FAT4: variants seen among roughly 807,000 people sequenced by gnomAD.
FAT4 encodes FAT atypical cadherin 4, also known as protocadherin Fat 4.
FAT4 carries 84 observed loss-of-function variants against 303.9 expected under a neutral mutation model. The observed-to-expected ratio is 0.28, with a 90% CI of 0.23 to 0.33. The LOEUF is 0.33. Ranked by LOEUF, FAT4 falls within the 10% of genes least tolerant of loss-of-function variation. The pLI, the probability that FAT4 is intolerant of heterozygous loss-of-function variation, is 1.00. For missense variants in FAT4, 6,005 were observed against 6,146.8 expected (o/e 0.98, Z 0.77); for synonymous variants, 2,307 against 2,298.8 (o/e 1.00, Z -0.10).
Position 125,448,691 on chromosome 4 carries a change from G to C in FAT4, c.7681G>C (p.Val2561Leu). ...TTCTACAACAGTGACTGTTAGATTCGTGAATAAGGCCGATTTCCCTAAAGT... is the reference window on the plus strand; with the variant it reads ...TTCTACAACAGTGACTGTTAGATTCCTGAATAAGGCCGATTTCCCTAAAGT... The part of the protein sequence containing the change: ...TDSTTVTVRF[V>L]NKADFPKVRA... The change falls in exon 10 of 18, where the codon GTG becomes CTG. Residue 2561 changes from valine (V) to leucine (L), a missense_variant. Val to Leu is a conservative substitution (Grantham distance 32). Coordinates refer to ENST00000394329, the MANE Select transcript of FAT4 (RefSeq NM_001291303.3). 3 of 1,613,932 alleles carry C rather than the reference G, an allele frequency of 1.9e-6. No individual in the cohort carries two copies. Among genetic ancestry groups the C allele is most frequent in the Non-Finnish European group, 2.5e-6 (3 of 1,179,910 alleles).
In FAT4 at chr4:125,476,273, G is replaced by A. The variant is rs1727026782; in HGVS notation, c.12299+17G>A. On this transcript the variant is annotated intron_variant, in intron 13 of 17. Transcript: ENST00000394329. ...AGATGACTGGTAAGGAATAGGATTAGTTTAATTTTTATTATTACTTAAAAT... is the reference window on the plus strand; with the variant it reads ...AGATGACTGGTAAGGAATAGGATTAATTTAATTTTTATTATTACTTAAAAT... 1 of 1,437,430 alleles carries A rather than the reference G, an allele frequency of 7.0e-7. No individual in the cohort carries two copies. The highest frequency in any genetic ancestry group is 1.4e-5 in the African/African-American group (1 of 69,792). 89.0% of individuals were successfully genotyped at this position (1,437,430 alleles called of 1,614,324 possible). A position where few individuals can be genotyped will look rare whatever the true frequency, so the allele number is the denominator to read the frequency against.
rs1377866898 is a variant in FAT4 at position 125,490,256 on chromosome 4, G to A, written c.13440G>A (p.Val4480=). The part of the protein sequence containing the change: ...CLGVLCPQGK[V]CKAGSPAGHV... ...GCGTCCTCTGTCCTCAGGGGAAGGT[G>A]TGCAAAGCTGGAAGTCCTGCGGGGC... is the stretch of plus-strand genomic sequence containing the variant. Residue 4480 remains valine, a synonymous_variant, in exon 18 of 18, where the codon GTG becomes GTA. Transcript: ENST00000394329. 6.2e-7 allele frequency: 1 copy of A among 1,614,124 alleles called. No homozygotes were observed. Among genetic ancestry groups the A allele is most frequent in the Non-Finnish European group, 8.5e-7 (1 of 1,180,024 alleles).
chr4:125,394,291 A>G (rs1278379781), intron 2 of FAT4, among the ~76,000 whole-genome samples: 1 of 152,166 alleles, frequency 6.6e-6, no homozygotes, highest in African/African-American at 2.4e-5. Flanking sequence ...ATGAAGAGAA[A>G]CTTCTGAGTT....
chr4:125,418,579 A>AT (rs1290464756), intron 7 of FAT4, among the ~76,000 whole-genome samples: 2 of 152,104 alleles, frequency 1.3e-5, no homozygotes, highest in Non-Finnish European at 2.9e-5. Flanking sequence ...ATTATATCTC[A>AT]TTTTTCCTGT....
At position 125,450,283 on chromosome 4, in the gene FAT4, C is replaced by T; in HGVS notation, c.9273C>T (p.Phe3091=). ...AGGAAAACTACCATACACCTGAATTCTCTCAAAGCCACATGAGTGCAACCA... is the reference window on the plus strand; with the variant it reads ...AGGAAAACTACCATACACCTGAATTTTCTCAAAGCCACATGAGTGCAACCA... ...VTEENYHTPE[F]SQSHMSATIP... Residue 3091 remains phenylalanine, a synonymous_variant, in exon 10 of 18, where the codon TTC becomes TTT. Coordinates refer to ENST00000394329, the MANE Select transcript of FAT4 (RefSeq NM_001291303.3). The T allele has an allele frequency of 6.2e-7, 1 of 1,614,108 alleles. No individual in the cohort carries two copies. The highest frequency in any genetic ancestry group is 8.5e-7 in the Non-Finnish European group (1 of 1,180,008).
chr4:125,416,637 C>T lies in FAT4; in HGVS notation c.7018+15C>T. 1.2e-6 allele frequency: 2 copies of T among 1,611,134 alleles called. No homozygotes were observed. The highest frequency in any genetic ancestry group is 1.1e-5 in the South Asian group (1 of 90,846). On this transcript the variant is annotated intron_variant, in intron 7 of 17. Transcript: ENST00000394329. ...TACAGATTCAGGTAAGTCCATTACA[C>T]CCTTGTTCATTTGTAGATAATTTCT...
rs587777724 is a variant in FAT4, at chr4:125,434,258, G to GACTGGA, written c.7041_7046dup (p.Gly2348_Thr2349dup). ...TTTTCTTTTTAGGATCCCCTGCCTT[G>GACTGGA]ACTGGAACTGGAACAATCAACGTCA... On this transcript the variant is annotated inframe_insertion, in exon 8 of 18. Transcript: ENST00000394329. 1 of 1,612,356 alleles carries GACTGGA rather than the reference G, an allele frequency of 6.2e-7. No homozygotes were observed. The highest frequency in any genetic ancestry group is 8.5e-7 in the Non-Finnish European group (1 of 1,179,172).
At chr4:125,417,592 G>T (rs565311498) in intron 7 of FAT4, among the ~76,000 whole-genome samples, 1 of 152,162 alleles carries the variant, frequency 6.6e-6, no homozygotes, top group Non-Finnish European at 1.5e-5. Context: ...AGGATTCTAA[G>T]TTATGGAGGG....
chr4:125,487,825 A>T lies in FAT4; in HGVS notation c.13084+219A>T, dbSNP rs1395237. Among the ~76,000 whole-genome samples, 56,160 of 151,886 alleles carry T rather than the reference A, an allele frequency of 0.37. 10,589 individuals are homozygous for T. Among genetic ancestry groups the T allele is most frequent in the East Asian group, 0.58 (2,979 of 5,132 alleles). ...AACTATCTTCAGAAAGTTTGTAATA[A>T]ACTATTAGCCACCACTTTCTCGAGA... On this transcript the variant is annotated intron_variant, in intron 17 of 17. Transcript: ENST00000394329.
chr4:125,372,835 A>G (rs1212173826), intron 2 of FAT4, among the ~76,000 whole-genome samples: 1 of 152,198 alleles, frequency 6.6e-6, no homozygotes, highest in African/African-American at 2.4e-5. Flanking sequence ...AATAAAAGTT[A>G]AGAAAAGTTG....
At chr4:125,341,170 A>C (rs1731778299) in intron 2 of FAT4, among the ~76,000 whole-genome samples, 1 of 152,232 alleles carries the variant, frequency 6.6e-6, no homozygotes, top group South Asian at 2.1e-4. Context: ...TAGTTCTGAA[A>C]GATATGCAAG....
intron 7 of FAT4, among the ~76,000 whole-genome samples, chr4:125,432,578 C>T (rs1166469480): frequency 6.6e-6 from 1 of 151,786 alleles, no homozygotes; most frequent in Non-Finnish European, 1.5e-5. Flanking sequence ...ATAATTTTAC[C>T]ATTGCTTACA....
At chr4:125,416,878 G>A (rs1165951022) in intron 7 of FAT4, among the ~76,000 whole-genome samples, 1 of 150,278 alleles carries the variant, frequency 6.7e-6, no homozygotes, top group Non-Finnish European at 1.5e-5. Flanking sequence ...ACCAGGAGGC[G>A]GAGGTTGCAG....
intron 8 of FAT4, among the ~76,000 whole-genome samples, chr4:125,442,777 T>A (rs1725702018): frequency 6.6e-6 from 1 of 152,106 alleles, no homozygotes; most frequent in Admixed American, 6.6e-5. Context: ...ATACTCAACC[T>A]ATGTATAGAT....
At chr4:125,379,822 TAA>T (rs71585407) in intron 2 of FAT4, among the ~76,000 whole-genome samples, 7,047 of 148,270 alleles carry the variant, frequency 0.048, 233 homozygotes, top group Admixed American at 0.11. Context: ...TTGTATATTC[TAA>T]AAAAAAAAAC....
chr4:125,403,595 C>T (rs1734470949), intron 3 of FAT4, among the ~76,000 whole-genome samples: 2 of 151,938 alleles, frequency 1.3e-5, no homozygotes, highest in African/African-American at 4.8e-5. Flanking sequence ...TATTTTAAAC[C>T]TCATTCCCAA....
intron 11 of FAT4, 105 bp from the exon 12 acceptor site, chr4:125,468,407 T>C: frequency 1.2e-6 from 1 of 816,424 alleles, no homozygotes; most frequent in Non-Finnish European, 1.7e-6. Context: ...GTAAAAAAAG[T>C]TGTTAAAAGA....
chr4:125,477,769 C>A (rs929886489), intron 14 of FAT4, among the ~76,000 whole-genome samples: 4 of 152,010 alleles, frequency 2.6e-5, no homozygotes, highest in African/African-American at 9.7e-5. Context: ...GCTTTAAAAA[C>A]AGGCAATAAC....
At chr4:125,435,448 G>C (rs1365045911) in intron 8 of FAT4, among the ~76,000 whole-genome samples, 2 of 152,078 alleles carry the variant, frequency 1.3e-5, no homozygotes, top group Non-Finnish European at 2.9e-5. Flanking sequence ...ATCAGCTATG[G>C]GTACCAGATA....
Sources: gnomAD v4.1 joint callset for allele counts (sites outside exome capture counted in the v4.1 genomes callset) on GRCh38, gnomAD v4.1.1 for gene constraint, MANE v1.5 for transcripts, NCBI Gene and HGNC (gene_info 2026-07-23, HGNC 2026-07-21) for gene names.